Variants in BAZ2B observed in about 807,000 individuals in gnomAD.
BAZ2B encodes bromodomain adjacent to zinc finger domain 2B, also known as bromodomain adjacent to zinc finger domain protein 2B.
A neutral mutation model predicts 246.0 loss-of-function variants in BAZ2B; 91 were observed. The observed-to-expected ratio is 0.37, with a 90% CI of 0.31 to 0.44. BAZ2B has a LOEUF of 0.44. Among genes scored for constraint, BAZ2B ranks in the 20% least tolerant of loss-of-function variants. The pLI, the probability that BAZ2B is intolerant of heterozygous loss-of-function variation, is 1.00. For missense variants in BAZ2B, 2,332 were observed against 2,533.7 expected (o/e 0.92, Z 1.71); for synonymous variants, 855 against 860.0 (o/e 0.99, Z 0.10).
At chr2:159,470,427 T>G (rs1254948616) in intron 3 of BAZ2B, among the ~76,000 whole-genome samples, 1 of 152,192 alleles carries the variant, frequency 6.6e-6, no homozygotes, top group Non-Finnish European at 1.5e-5. Flanking sequence ...TTCATTAAAG[T>G]ATACATTTAA....
At chr2:159,409,925 T>C (rs2066561526) in intron 14 of BAZ2B, among the ~76,000 whole-genome samples, 1 of 152,186 alleles carries the variant, frequency 6.6e-6, no homozygotes, top group African/African-American at 2.4e-5. Context: ...TACAAATCAA[T>C]TTGAAATCTG....
chr2:159,673,057 A>G, the BAZ2B span, among the ~76,000 whole-genome samples: 4 of 152,220 alleles, frequency 2.6e-5, no homozygotes, highest in Admixed American at 6.5e-5. Context: ...AAAACATCGT[A>G]AGTAAAGTCC....
At chr2:159,478,518 T>G (rs563016061) in intron 3 of BAZ2B, 57 bp downstream of exon 3, 6 of 1,517,184 alleles carry the variant, frequency 4.0e-6, no homozygotes, top group Non-Finnish European at 5.3e-6. Flanking sequence ...CAATAAAATA[T>G]TATGCAAATT....
chr2:159,574,136 C>CACAT (rs879262437), intron 1 of BAZ2B, among the ~76,000 whole-genome samples: 2 of 102,160 alleles, frequency 2.0e-5, no homozygotes, highest in Non-Finnish European at 2.0e-5. Flanking sequence ...CACACACACA[C>CACAT]ACACATACAC....
chr2:159,519,568 T>C (rs1391571602), intron 2 of BAZ2B, among the ~76,000 whole-genome samples: 1 of 151,242 alleles, frequency 6.6e-6, no homozygotes, highest in African/African-American at 2.4e-5. Flanking sequence ...TTATGCTAGA[T>C]GAGAGCATAA....
the BAZ2B span, among the ~76,000 whole-genome samples, chr2:159,691,224 T>G: frequency 1.3e-5 from 2 of 152,206 alleles, no homozygotes; most frequent in African/African-American, 4.8e-5. Context: ...TGCCTAATAT[T>G]GAAACAATCT....
chr2:159,554,164 T>C (rs1182074486), intron 2 of BAZ2B, among the ~76,000 whole-genome samples: 1 of 152,204 alleles, frequency 6.6e-6, no homozygotes, highest in East Asian at 1.9e-4. Flanking sequence ...TCACCTCTCT[T>C]CCTGAAATTC....
the BAZ2B span, among the ~76,000 whole-genome samples, chr2:159,647,107 GA>G: frequency 6.6e-6 from 1 of 152,064 alleles, no homozygotes; most frequent in Non-Finnish European, 1.5e-5. Context: ...TTGTACAGGA[GA>G]ACCCCACACC....
At chr2:159,544,186 TA>T (rs1269643282) in intron 2 of BAZ2B, among the ~76,000 whole-genome samples, 1 of 152,128 alleles carries the variant, frequency 6.6e-6, no homozygotes, top group Non-Finnish European at 1.5e-5. Flanking sequence ...GACAGCCTCA[TA>T]GGGGAGGTAC....
chr2:159,450,016 T>G (rs1385267809), intron 4 of BAZ2B, among the ~76,000 whole-genome samples: 4 of 152,030 alleles, frequency 2.6e-5, no homozygotes, highest in African/African-American at 9.7e-5. Flanking sequence ...TATAAAAAAT[T>G]TTAAAAAGCA....
chr2:159,483,924 G>A (rs1294886042), intron 2 of BAZ2B, among the ~76,000 whole-genome samples: 3 of 152,048 alleles, frequency 2.0e-5, no homozygotes, highest in African/African-American at 7.3e-5. Context: ...AACCATGGGA[G>A]AAATATGTGC....
intron 36 of BAZ2B, among the ~76,000 whole-genome samples, chr2:159,322,364 C>T (rs571261237): frequency 2.6e-5 from 4 of 152,276 alleles, no homozygotes; most frequent in Admixed American, 6.5e-5. Context: ...AAAACACTGT[C>T]ATCACCCTGA....
At chr2:159,357,689 G>GA (rs1404736716) in intron 27 of BAZ2B, among the ~76,000 whole-genome samples, 1 of 152,096 alleles carries the variant, frequency 6.6e-6, no homozygotes, top group Admixed American at 6.6e-5. Flanking sequence ...TGAAATGAAG[G>GA]AAAAAATGTT....
At position 159,382,549 on chromosome 2, in the gene BAZ2B, AT is replaced by A. The variant is rs1559187798; in HGVS notation, c.4005+9del. 6.5e-7 allele frequency: 1 copy of A among 1,546,970 alleles called. No individual in the cohort carries two copies. Among genetic ancestry groups the A allele is most frequent in the African/African-American group, 1.4e-5 (1 of 72,942 alleles). The stretch of plus-strand genomic sequence containing the variant: ...TCTAGTTGTCTTAAAATCAACCTAA[AT>A]TTCATTACCTCATCTTCACAGATAT... On this transcript the variant is annotated intron_variant, in intron 25 of 36. Coordinates refer to ENST00000392783, the MANE Select transcript of BAZ2B (RefSeq NM_013450.4).
chr2:159,540,764 T>C (rs774141615), intron 2 of BAZ2B, among the ~76,000 whole-genome samples: 2 of 152,204 alleles, frequency 1.3e-5, no homozygotes, highest in Non-Finnish European at 2.9e-5. Context: ...CTATCTGGTA[T>C]ATAAGTACCT....
chr2:159,328,069 CGAAAAAAA>C (rs2064006472), intron 34 of BAZ2B, among the ~76,000 whole-genome samples: 4 of 111,514 alleles, frequency 3.6e-5, no homozygotes, highest in Non-Finnish European at 5.3e-5. Flanking sequence ...AGCCTCAAAA[CGAAAAAAA>C]AAAAAAAAAA....
At chr2:159,389,085 G>A (rs1158095765) in intron 21 of BAZ2B, among the ~76,000 whole-genome samples, 1 of 144,874 alleles carries the variant, frequency 6.9e-6, no homozygotes, top group East Asian at 2.0e-4. Context: ...GTAAGACCCT[G>A]TCTGAAAACA....
At chr2:159,454,626 C>G (rs1406742611) in intron 3 of BAZ2B, among the ~76,000 whole-genome samples, 2 of 152,094 alleles carry the variant, frequency 1.3e-5, no homozygotes, top group African/African-American at 4.8e-5. Context: ...AGGCATTGAC[C>G]AAAATGTCAT....
In BAZ2B at chr2:159,382,788, T is replaced by C; in HGVS notation, c.3776A>G (p.His1259Arg). 6.2e-7 allele frequency: 1 copy of C among 1,613,380 alleles called. No individual in the cohort carries two copies. Among genetic ancestry groups the C allele is most frequent in the Non-Finnish European group, 8.5e-7 (1 of 1,179,518 alleles). The part of the protein sequence containing the change: ...EGKLRKLRII[H>R]AKKTGKRDTS... ...GTCTCTTTTGCCTGTTTTCTTAGCA[T>C]GAATGATTCTGAGCCTTTAAATATT... is the stretch of plus-strand genomic sequence containing the variant. The change falls in exon 25 of 37, where the codon CAT becomes CGT. Residue 1259 changes from histidine to arginine, a missense_variant. By Grantham distance (29) the His-to-Arg change is conservative (BLOSUM62 0). Transcript: ENST00000392783.
Sources: gnomAD v4.1 joint callset for allele counts (sites outside exome capture counted in the v4.1 genomes callset) on GRCh38, gnomAD v4.1.1 for gene constraint, MANE v1.5 for transcripts, NCBI Gene and HGNC (gene_info 2026-07-23, HGNC 2026-07-21) for gene names.